UNC80: variants seen among roughly 807,000 people sequenced by gnomAD.
UNC80 encodes protein unc-80 homolog.
UNC80 carries 164 observed loss-of-function variants against 384.6 expected under a neutral mutation model. That is an observed-to-expected ratio of 0.43 (90% CI 0.38 to 0.49). The LOEUF (loss-of-function observed/expected upper bound fraction) is 0.49. UNC80 is among the 20% of genes least tolerant of loss of function. UNC80 has a pLI of 0.00. For missense variants in UNC80, 3,330 were observed against 4,143.0 expected (o/e 0.80, Z 5.39); for synonymous variants, 1,486 against 1,527.8 (o/e 0.97, Z 0.64).
At position 209,877,853 on chromosome 2, in the gene UNC80, T is replaced by G. The variant is rs2084920003; in HGVS notation, c.3841-101T>G. ...ATACAGAAGAGGCTTATGCTGGAAA[T>G]AATTCTCATTAATTGGTTGCTTATG... On this transcript the variant is annotated intron_variant, in intron 23 of 64. Coordinates refer to ENST00000673920, the MANE Select transcript of UNC80 (RefSeq NM_001371986.1). 11 of 1,296,722 alleles carry G rather than the reference T, an allele frequency of 8.5e-6. No individual in the cohort carries two copies. In the South Asian group the frequency reaches 2.0e-4, roughly 23 times the overall value. 80.3% of individuals were successfully genotyped at this position (1,296,722 alleles called of 1,614,324 possible).
At chr2:209,982,528 C>T (rs2093181099) in intron 60 of UNC80, 1 of 471,524 alleles carries the variant, frequency 2.1e-6, no homozygotes, top group Non-Finnish European at 3.4e-6. Flanking sequence ...ATCCCAATTT[C>T]CAAGTATTGT....
intron 22 of UNC80, among the ~76,000 whole-genome samples, chr2:209,857,088 C>T (rs746556859): frequency 6.6e-6 from 1 of 152,124 alleles, no homozygotes; most frequent in Non-Finnish European, 1.5e-5. Context: ...CCACGCCTGG[C>T]CTGGGTTTTG....
At chr2:209,830,077 C>G (rs1449600852) in intron 15 of UNC80, among the ~76,000 whole-genome samples, 2 of 152,114 alleles carry the variant, frequency 1.3e-5, no homozygotes, top group Non-Finnish European at 2.9e-5. Flanking sequence ...ATGCATGAAG[C>G]CTGAGTTGAA....
intron 21 of UNC80, among the ~76,000 whole-genome samples, chr2:209,843,569 TATAA>T (rs1454138174): frequency 6.6e-6 from 1 of 151,968 alleles, no homozygotes; most frequent in Non-Finnish European, 1.5e-5. Flanking sequence ...GAGATTAAAA[TATAA>T]ATAAATAAGC....
chr2:209,839,199 C>A lies in UNC80; in HGVS notation c.3042-23C>A. The A allele has an allele frequency of 1.3e-6, 2 of 1,548,312 alleles. No homozygotes were observed. The highest frequency in any genetic ancestry group is 1.7e-6 in the Non-Finnish European group (2 of 1,144,746). ...TTCTCAAGTGTTGTCAGAAGTTTAACCCTATCCTCTGCTTGCCTACAGCGA... is the reference window on the plus strand; with the variant it reads ...TTCTCAAGTGTTGTCAGAAGTTTAAACCTATCCTCTGCTTGCCTACAGCGA... On this transcript the variant is annotated intron_variant, in intron 18 of 64. Coordinates refer to ENST00000673920, the MANE Select transcript of UNC80 (RefSeq NM_001371986.1). This position sits in a 1 kb window ranked among gnomAD's most constrained non-coding sequence, Gnocchi z 4.1.
intron 7 of UNC80, among the ~76,000 whole-genome samples, 154 bp from the exon 8 acceptor site, chr2:209,813,426 A>G (rs573080760): frequency 2.1e-4 from 32 of 152,366 alleles, no homozygotes; most frequent in Admixed American, 2.0e-3. Context: ...GTGGAATGAG[A>G]GAGACCAGTT....
In UNC80 at chr2:209,976,029, T is replaced by C; in HGVS notation, c.8588-90T>C. 7.3e-7 allele frequency: 1 copy of C among 1,368,112 alleles called. No individual in the cohort carries two copies. Among genetic ancestry groups the C allele is most frequent in the Non-Finnish European group, 9.7e-7 (1 of 1,031,278 alleles). 84.7% of individuals were successfully genotyped at this position (1,368,112 alleles called of 1,614,324 possible). A position where few individuals can be genotyped will look rare whatever the true frequency, so the allele number is the denominator to read the frequency against. On this transcript the variant is annotated intron_variant, in intron 56 of 64. Transcript: ENST00000673920. The surrounding 1 kb of genome is among the most constrained non-coding windows in gnomAD (Gnocchi z 4.3). ...AGAGAGCTTAGAAATTTAGAAAATT[T>C]CTAAAGGTGCATAAAGGGCTCTGGA...
rs1312392285 is a variant in UNC80 at position 209,773,124 on chromosome 2, A to G, written c.123A>G (p.Gln41=). The G allele has an allele frequency of 1.2e-6, 2 of 1,613,402 alleles. No homozygotes were observed. The highest frequency in any genetic ancestry group is 1.7e-6 in the Non-Finnish European group (2 of 1,179,542). ...TTTTGAGGCCCAAACTGGGGAAGCA[A>G]TATGAAGCTTCTTGTGTGGTATGTG... ...SAFLRPKLGK[Q]YEASCVSFER... is the part of the protein sequence containing the mutation. The change falls in exon 2 of 65, where the codon CAA becomes CAG. Residue 41 remains glutamine (Q), a synonymous_variant. Transcript: ENST00000673920.
In UNC80 at chr2:209,975,973, G is replaced by A. The variant is rs533576104; in HGVS notation, c.8588-146G>A. On this transcript the variant is annotated intron_variant, in intron 56 of 64. Coordinates refer to ENST00000673920, the MANE Select transcript of UNC80 (RefSeq NM_001371986.1). ...CTCGATGTACAGAATACTCTTGCTC[G>A]GGAATACATACGAAGTTTTTAGAAA... 56 of 787,988 alleles carry A rather than the reference G, an allele frequency of 7.1e-5. No homozygotes were observed. The South Asian group carries it at 9.6e-4, about 14-fold the overall frequency. The allele number at this position is 787,988 out of a possible 1,614,324, so 48.8% of individuals were successfully genotyped here.
chr2:209,969,668 C>T lies in UNC80; in HGVS notation c.8007-100C>T, dbSNP rs765375989. 2.8e-5 allele frequency: 40 copies of T among 1,449,910 alleles called. No individual in the cohort carries two copies. The East Asian group carries it at 3.7e-4, about 14-fold the overall frequency. 89.8% of individuals were successfully genotyped at this position (1,449,910 alleles called of 1,614,324 possible). Reference sequence around the variant, plus strand: ...ATGGGTAAACTTCATCCCAGAGACACATCCTGTCTTAGATGGCATCAGAAT... The same window carrying T: ...ATGGGTAAACTTCATCCCAGAGACATATCCTGTCTTAGATGGCATCAGAAT... On this transcript the variant is annotated intron_variant, in intron 52 of 64. Transcript: ENST00000673920.
rs550414982 is a variant in UNC80 at position 209,817,163 on chromosome 2, G to A, written c.1552+38G>A. 5.7e-5 allele frequency: 88 copies of A among 1,533,546 alleles called. No individual in the cohort carries two copies. In the South Asian group the frequency reaches 7.4e-4, roughly 13 times the overall value. 95.0% of individuals were successfully genotyped at this position (1,533,546 alleles called of 1,614,324 possible). On this transcript the variant is annotated intron_variant, in intron 10 of 64. Transcript: ENST00000673920. ...CCTTCCAAAATAGGGCAGAGTTTAA[G>A]TGACCTGTTTAGAACTGGATCTAGG...
intron 13 of UNC80, among the ~76,000 whole-genome samples, chr2:209,825,483 A>C (rs937143536): frequency 1.3e-5 from 2 of 152,204 alleles, no homozygotes; most frequent in African/African-American, 4.8e-5. Flanking sequence ...GAAGCTCCAG[A>C]CTTTGATCAG....
chr2:209,960,058 A>G (rs2092542475), intron 51 of UNC80, among the ~76,000 whole-genome samples: 2 of 152,324 alleles, frequency 1.3e-5, no homozygotes, highest in South Asian at 4.1e-4. Context: ...AATTTTTCAC[A>G]AGAATTGAAT....
Position 209,917,848 on chromosome 2 carries a change from C to A in UNC80, c.5101C>A (p.His1701Asn). ...VSDMLMSEFH[H>N]PETVQRLNAV... Reference sequence around the variant, plus strand: ...CGACATGCTGATGTCAGAGTTCCACCACCCGGAGACTGTGCAGAGGCTGAA... The same window carrying A: ...CGACATGCTGATGTCAGAGTTCCACAACCCGGAGACTGTGCAGAGGCTGAA... The change falls in exon 32 of 65, where the codon CAC (histidine) becomes AAC (asparagine). Residue 1701 changes from histidine (H) to asparagine (N), a missense_variant. Transcript: ENST00000673920. The A allele has an allele frequency of 6.4e-7, 1 of 1,552,032 alleles. No individual in the cohort carries two copies. The highest frequency in any genetic ancestry group is 8.7e-7 in the Non-Finnish European group (1 of 1,147,062).
chr2:209,977,325 A>G (rs2093038310), intron 58 of UNC80, among the ~76,000 whole-genome samples: 2 of 152,208 alleles, frequency 1.3e-5, no homozygotes, highest in Non-Finnish European at 2.9e-5. Flanking sequence ...CCTTTTCTAT[A>G]TATTTTTTAA....
intron 28 of UNC80, among the ~76,000 whole-genome samples, chr2:209,901,445 C>T (rs193209569): frequency 3.5e-4 from 53 of 151,700 alleles, no homozygotes; most frequent in Non-Finnish European, 5.7e-4. Flanking sequence ...ATCTACTGTT[C>T]AGGAAAAAAA....
intron 29 of UNC80, among the ~76,000 whole-genome samples, chr2:209,912,050 G>T (rs541809815): frequency 4.1e-4 from 62 of 152,244 alleles, no homozygotes; most frequent in African/African-American, 1.4e-3. Flanking sequence ...TCCTGTATTT[G>T]ACCTTTAACT....
chr2:209,772,961 TA>T, intron 1 of UNC80, 132 bp from the exon 2 acceptor site: 2 of 697,802 alleles, frequency 2.9e-6, no homozygotes, highest in South Asian at 4.0e-5. Context: ...ACCTGCTCAT[TA>T]AAAAGCTATA....
In UNC80 at chr2:209,922,362, C is replaced by T. The variant is rs764903136; in HGVS notation, c.5641C>T (p.Arg1881Cys). ...SFRRGSVWSVRSAVSAEDEEH... is the reference protein window; with the variant it reads ...SFRRGSVWSVCSAVSAEDEEH... The stretch of plus-strand genomic sequence containing the variant: ...CCGCCGCGGGTCAGTCTGGTCAGTG[C>T]GTTCAGCCGTCAGTGCTGAAGGTGT... The change falls in exon 35 of 65, where the codon CGT becomes TGT. Residue 1881 changes from arginine (R) to cysteine (C), a missense_variant. Arg to Cys is a radical substitution (Grantham distance 180). Coordinates refer to ENST00000673920, the MANE Select transcript of UNC80 (RefSeq NM_001371986.1). The T allele has an allele frequency of 1.2e-5, 18 of 1,551,578 alleles. No individual in the cohort carries two copies. The highest frequency in any genetic ancestry group is 2.7e-5 in the African/African-American group (2 of 73,040).
Sources: gnomAD v4.1 joint callset for allele counts (sites outside exome capture counted in the v4.1 genomes callset) on GRCh38, gnomAD v4.1.1 for gene constraint, Gnocchi (gnomAD v3.1) non-coding constraint, MANE v1.5 for transcripts, NCBI Gene and HGNC (gene_info 2026-07-23, HGNC 2026-07-21) for gene names.